CSMD1: variants seen among roughly 807,000 people sequenced by gnomAD.
The protein encoded by CSMD1 is CUB and Sushi multiple domains 1, also known as CUB and sushi domain-containing protein 1.
Under a neutral mutation model 417.5 loss-of-function variants are expected in CSMD1, and 213 were observed. The ratio of observed to expected loss-of-function variants is 0.51; its 90% CI spans 0.46 to 0.57. The LOEUF is 0.57. CSMD1 is among the 20% of genes least tolerant of loss of function. The probability of loss-of-function intolerance (pLI) is 0.00; values close to 1 mark genes in which losing one functional copy is unlikely to be tolerated. For missense variants in CSMD1, 6,923 were observed against 4,529.7 expected (o/e 1.53, Z -15.17); for synonymous variants, 2,862 against 1,736.8 (o/e 1.65, Z -16.11).
At chr8:4,183,003 G>C (rs1459470404) in intron 3 of CSMD1, among the ~76,000 whole-genome samples, 2 of 152,126 alleles carry the variant, frequency 1.3e-5, no homozygotes, top group African/African-American at 4.8e-5. Flanking sequence ...TTCAAGTAAA[G>C]AGTAATTACA....
chr8:4,208,919 A>G (rs1563276215), intron 3 of CSMD1, among the ~76,000 whole-genome samples: 2 of 152,196 alleles, frequency 1.3e-5, no homozygotes, highest in Non-Finnish European at 2.9e-5. Flanking sequence ...TATGCCCTGT[A>G]GACATAACAG....
At chr8:3,805,376 A>G (rs1800674776) in intron 5 of CSMD1, among the ~76,000 whole-genome samples, 1 of 152,142 alleles carries the variant, frequency 6.6e-6, no homozygotes, top group Non-Finnish European at 1.5e-5. Flanking sequence ...AGGAGCCACA[A>G]GTTACCCCTA....
intron 3 of CSMD1, among the ~76,000 whole-genome samples, chr8:4,065,180 G>C: frequency 6.6e-6 from 1 of 152,112 alleles, no homozygotes; most frequent in East Asian, 1.9e-4. Context: ...AAACACTTCT[G>C]ATACAAACCA....
At chr8:3,903,218 G>A (rs1305213786) in intron 5 of CSMD1, among the ~76,000 whole-genome samples, 3 of 151,932 alleles carry the variant, frequency 2.0e-5, no homozygotes, top group Non-Finnish European at 4.4e-5. Flanking sequence ...CTGCACCAGT[G>A]GCCTCTAAAA....
At chr8:3,078,506 G>T (rs752193513) in intron 49 of CSMD1, among the ~76,000 whole-genome samples, 1 of 152,196 alleles carries the variant, frequency 6.6e-6, no homozygotes, top group Admixed American at 6.5e-5. Context: ...TGGACTCTGC[G>T]TTTCAGTCTG....
intron 7 of CSMD1, among the ~76,000 whole-genome samples, chr8:3,630,149 G>C (rs1228460315): frequency 1.3e-5 from 2 of 152,362 alleles, no homozygotes; most frequent in South Asian, 2.1e-4. Flanking sequence ...CATCCAGTCA[G>C]TGAAATATTG....
At chr8:3,677,936 G>T (rs150203576) in intron 7 of CSMD1, among the ~76,000 whole-genome samples, 1 of 152,046 alleles carries the variant, frequency 6.6e-6, no homozygotes, top group Non-Finnish European at 1.5e-5. Flanking sequence ...GACAAAATAA[G>T]ACAGGAATGC....
intron 17 of CSMD1, 133 bp downstream of exon 17, chr8:3,396,061 A>G (rs1811676413): frequency 2.9e-6 from 2 of 698,248 alleles, no homozygotes; most frequent in Non-Finnish European, 4.8e-6. Context: ...ACAATTGCAT[A>G]GTATGGTTTT....
intron 7 of CSMD1, among the ~76,000 whole-genome samples, chr8:3,659,912 A>C (rs1798324476): frequency 6.6e-6 from 1 of 152,210 alleles, no homozygotes; most frequent in South Asian, 2.1e-4. Context: ...ATTTCCAAGA[A>C]AGAGCATATC....
At chr8:3,491,765 C>G (rs1028152440) in intron 11 of CSMD1, among the ~76,000 whole-genome samples, 6 of 152,172 alleles carry the variant, frequency 3.9e-5, no homozygotes, top group Non-Finnish European at 7.3e-5. Context: ...CATCTTTTTA[C>G]TAGCATGGAA....
In CSMD1 at chr8:3,361,818, T is replaced by G. The variant is rs143160391; in HGVS notation, c.3116-2478A>C. Among the ~76,000 whole-genome samples the G allele has an allele frequency of 8.9e-3, 1,358 of 152,278 alleles. 21 individuals are homozygous for G. Among genetic ancestry groups the G allele is most frequent in the African/African-American group, 0.031 (1,294 of 41,540 alleles). On this transcript the variant is annotated intron_variant, in intron 20 of 69. Coordinates refer to ENST00000635120, the MANE Select transcript of CSMD1 (RefSeq NM_033225.6). ...ATATATTGTAGTTTATACAATATCC[T>G]CTGAAAGCAACTTAGAAGGACAGAA...
chr8:3,733,656 G>C (rs1027631855), intron 6 of CSMD1, among the ~76,000 whole-genome samples: 2 of 152,174 alleles, frequency 1.3e-5, no homozygotes, highest in Admixed American at 1.3e-4. Flanking sequence ...GGTCCCTGCT[G>C]TTTGCACCGC....
chr8:4,292,474 G>A (rs562679305), intron 3 of CSMD1, among the ~76,000 whole-genome samples: 2 of 151,974 alleles, frequency 1.3e-5, no homozygotes, highest in Non-Finnish European at 1.5e-5. Flanking sequence ...GAATGGTCTC[G>A]ATCTGCTGAC....
chr8:4,361,882 G>C (rs915347319), intron 3 of CSMD1, among the ~76,000 whole-genome samples: 33 of 152,068 alleles, frequency 2.2e-4, no homozygotes, highest in Non-Finnish European at 3.5e-4. Flanking sequence ...TTGAACCCGG[G>C]AGGCGGAGCT....
At chr8:3,119,596 C>G (rs542866349) in intron 41 of CSMD1, among the ~76,000 whole-genome samples, 3 of 152,198 alleles carry the variant, frequency 2.0e-5, no homozygotes, top group African/African-American at 7.2e-5. Flanking sequence ...TTAACTAATC[C>G]ATAAATCAGG....
At chr8:4,521,936 G>A (rs1304057685) in intron 2 of CSMD1, among the ~76,000 whole-genome samples, 1 of 152,078 alleles carries the variant, frequency 6.6e-6, no homozygotes, top group Non-Finnish European at 1.5e-5. Flanking sequence ...ACATTTTAAG[G>A]GATCATTATG....
At chr8:4,606,350 G>A (rs1397493070) in intron 2 of CSMD1, among the ~76,000 whole-genome samples, 5 of 151,772 alleles carry the variant, frequency 3.3e-5, no homozygotes, top group African/African-American at 9.7e-5. Context: ...CAAGGAAACA[G>A]GGAGAGAAAA....
At position 4,065,535 on chromosome 8, in the gene CSMD1, G is replaced by C. The variant is rs191603690; in HGVS notation, c.416-33436C>G. Among the ~76,000 whole-genome samples, 275 of 145,580 alleles carry C rather than the reference G, an allele frequency of 1.9e-3. 2 individuals carry two copies. Among genetic ancestry groups the C allele is most frequent in the Non-Finnish European group, 2.8e-3 (187 of 66,664 alleles). ...AGTGAAGTTACGGTATCAAGAAACTGTATGTTTCTTGATAGTAGCTAATCT... is the reference window on the plus strand; with the variant it reads ...AGTGAAGTTACGGTATCAAGAAACTCTATGTTTCTTGATAGTAGCTAATCT... On this transcript the variant is annotated intron_variant, in intron 3 of 69. Transcript: ENST00000635120.
rs191138863 is a variant in CSMD1, at chr8:4,977,648, G to C, written c.85+16684C>G. 3.9e-4 allele frequency among the ~76,000 whole-genome samples: 60 copies of C among 152,274 alleles called. No individual in the cohort carries two copies. The East Asian group carries it at 0.011, about 28-fold the overall frequency. ...CAGCTGCTGCCTTACCCCACGTGCAGACCCAGATGCCTCACTAGTTGACAT... is the reference window on the plus strand; with the variant it reads ...CAGCTGCTGCCTTACCCCACGTGCACACCCAGATGCCTCACTAGTTGACAT... On this transcript the variant is annotated intron_variant, in intron 1 of 69. Transcript: ENST00000635120.
Sources: gnomAD v4.1 joint callset for allele counts (sites outside exome capture counted in the v4.1 genomes callset) on GRCh38, gnomAD v4.1.1 for gene constraint, MANE v1.5 for transcripts, NCBI Gene and HGNC (gene_info 2026-07-23, HGNC 2026-07-21) for gene names.